Variants in P4HA1 observed in about 807,000 individuals in gnomAD.
P4HA1 encodes the protein prolyl 4-hydroxylase subunit alpha 1.
Under a neutral mutation model 72.8 loss-of-function variants are expected in P4HA1, and 24 were observed. The ratio of observed to expected loss-of-function variants is 0.33; its 90% CI spans 0.24 to 0.46. P4HA1 has a LOEUF of 0.46. P4HA1 is among the 20% of genes least tolerant of loss of function. P4HA1 has a pLI of 1.00. For synonymous variants in P4HA1, 201 were observed against 218.8 expected (o/e 0.92, Z 0.72); for missense variants, 446 against 640.6 (o/e 0.70, Z 3.28).
intron 8 of P4HA1, 81 bp downstream of exon 8, chr10:73,046,844 T>A: frequency 9.7e-7 from 1 of 1,029,944 alleles, no homozygotes. Flanking sequence ...TATTCGTATA[T>A]CAATTATCCT....
intron 1 of P4HA1, among the ~76,000 whole-genome samples, chr10:73,087,697 C>T (rs1841951604): frequency 6.6e-6 from 1 of 151,708 alleles, no homozygotes; most frequent in Non-Finnish European, 1.5e-5. Flanking sequence ...GCTATGTTGC[C>T]CAAGCTGGTC....
intron 9 of P4HA1, among the ~76,000 whole-genome samples, chr10:73,037,444 A>G (rs1840602629): frequency 6.8e-6 from 1 of 146,842 alleles, no homozygotes; most frequent in Non-Finnish European, 1.5e-5. Flanking sequence ...AATGTCAGTA[A>G]TGTAATTTGA....
chr10:73,034,770 G>A (rs1221235490), intron 9 of P4HA1, among the ~76,000 whole-genome samples: 3 of 151,634 alleles, frequency 2.0e-5, no homozygotes, highest in Non-Finnish European at 2.9e-5. Context: ...TAGTAGAGAC[G>A]GGGTTTCATC....
intron 9 of P4HA1, among the ~76,000 whole-genome samples, chr10:73,041,409 C>T (rs756044991): frequency 1.3e-5 from 2 of 152,030 alleles, no homozygotes; most frequent in South Asian, 2.1e-4. Context: ...CGGGCAGCAG[C>T]GGGCGCCTGT....
At chr10:73,081,573 T>A (rs984627066) in intron 1 of P4HA1, among the ~76,000 whole-genome samples, 9 of 152,162 alleles carry the variant, frequency 5.9e-5, no homozygotes, top group Non-Finnish European at 8.8e-5. Context: ...CCTACAGTTC[T>A]TATTCCAGGG....
In P4HA1 at chr10:73,059,256, G is replaced by A. The variant is rs1841240748; in HGVS notation, c.464-5666C>T. ...TCTATTAATGTACCTTATTAGTCTA[G>A]TTTGGACTGTCAAAGAATTTAAAAG... is the stretch of plus-strand genomic sequence containing the variant. On this transcript the variant is annotated intron_variant, in intron 5 of 14. Coordinates refer to ENST00000394890, the MANE Select transcript of P4HA1 (RefSeq NM_001017962.3). Among the ~76,000 whole-genome samples the A allele has an allele frequency of 2.0e-5, 3 of 151,514 alleles. 1 individual carries two copies. In the South Asian group the frequency reaches 6.3e-4, roughly 32 times the overall value.
chr10:73,084,352 G>C (rs950015685), intron 1 of P4HA1, among the ~76,000 whole-genome samples: 3 of 152,192 alleles, frequency 2.0e-5, no homozygotes, highest in Admixed American at 6.5e-5. Flanking sequence ...GAGTGCAGTG[G>C]AGCAATCACA....
At chr10:73,014,723 ATGACT>A (rs979692902) in intron 11 of P4HA1, among the ~76,000 whole-genome samples, 2 of 152,188 alleles carry the variant, frequency 1.3e-5, no homozygotes, top group African/African-American at 4.8e-5. Context: ...TCTAAAAAAT[ATGACT>A]TGACAGCCAT....
chr10:73,032,667 A>C (rs1386985487), intron 9 of P4HA1, among the ~76,000 whole-genome samples: 1 of 152,216 alleles, frequency 6.6e-6, no homozygotes, highest in East Asian at 1.9e-4. Flanking sequence ...TGCAAAATTA[A>C]GACTCTGGAT....
intron 9 of P4HA1, chr10:73,043,860 C>G (rs769082077): frequency 6.6e-7 from 1 of 1,523,572 alleles, no homozygotes; most frequent in South Asian, 1.1e-5. Flanking sequence ...CCAAATATGA[C>G]TAAAGTTCTC....
At chr10:73,077,188 ATT>A (rs1196429636) in intron 1 of P4HA1, among the ~76,000 whole-genome samples, 1 of 152,220 alleles carries the variant, frequency 6.6e-6, no homozygotes, top group African/African-American at 2.4e-5. Context: ...AGAGTCTAGA[ATT>A]TTCTGTTTAA....
intron 1 of P4HA1, among the ~76,000 whole-genome samples, chr10:73,088,772 T>C (rs973111073): frequency 6.6e-6 from 1 of 152,250 alleles, no homozygotes; most frequent in Non-Finnish European, 1.5e-5. Context: ...TATCCTCTGT[T>C]GAACTGCCCT....
chr10:73,016,989 A>C, intron 10 of P4HA1, 90 bp from the exon 11 acceptor site: 1 of 871,598 alleles, frequency 1.1e-6, no homozygotes, highest in Non-Finnish European at 1.8e-6. Context: ...GGACTTTTAT[A>C]GATCATGGTC....
Position 73,053,363 on chromosome 10 carries a change from G to C in P4HA1, c.691C>G (p.Leu231Val). 3 of 1,614,008 alleles carry C rather than the reference G, an allele frequency of 1.9e-6. No individual in the cohort carries two copies. Among genetic ancestry groups the C allele is most frequent in the Non-Finnish European group, 2.5e-6 (3 of 1,179,906 alleles). The change falls in exon 6 of 15, where the codon CTT (leucine) becomes GTT (valine). Residue 231 changes from leucine (L) to valine (V), a missense_variant. Physicochemically the swap from Leu to Val is conservative, Grantham distance 32. Transcript: ENST00000394890. ...LDKALLLTKK[L>V]LELDPEHQRA... The stretch of plus-strand genomic sequence containing the variant: ...CCAGATAACATACCTAGTTCAAGAA[G>C]CTTCTTTGTGAGCAAAAGTGCCTTA...
chr10:73,041,734 C>T lies in P4HA1; in HGVS notation c.1148+3247G>A, dbSNP rs112747875. Among the ~76,000 whole-genome samples the T allele has an allele frequency of 1.8e-4, 28 of 152,214 alleles. 1 individual carries two copies. Among genetic ancestry groups the T allele is most frequent in the African/African-American group, 6.0e-4 (25 of 41,542 alleles). ...AGTTTATTACCATTAGATCATATCC[C>T]CTTTGTTCATCATACTTCTGTATGA... On this transcript the variant is annotated intron_variant, in intron 9 of 14. Coordinates refer to ENST00000394890, the MANE Select transcript of P4HA1 (RefSeq NM_001017962.3).
intron 6 of P4HA1, among the ~76,000 whole-genome samples, chr10:73,051,522 G>A (rs1201129517): frequency 1.3e-5 from 2 of 152,134 alleles, no homozygotes; most frequent in Non-Finnish European, 2.9e-5. Context: ...CATTTTGGGA[G>A]ACTGAGGTGG....
chr10:73,053,916 CTT>C (rs112306423), intron 5 of P4HA1, among the ~76,000 whole-genome samples: 1 of 145,770 alleles, frequency 6.9e-6, no homozygotes, highest in South Asian at 2.2e-4. Flanking sequence ...AGATACATCT[CTT>C]TTTTTTTTTT....
intron 3 of P4HA1, 110 bp downstream of exon 3, chr10:73,073,621 G>A: frequency 1.5e-6 from 1 of 667,958 alleles, no homozygotes; most frequent in East Asian, 2.7e-5. Flanking sequence ...ATTGCAACTG[G>A]CTTTGTAAGA....
At chr10:73,024,308 C>T (rs1840210848) in intron 10 of P4HA1, among the ~76,000 whole-genome samples, 1 of 152,212 alleles carries the variant, frequency 6.6e-6, no homozygotes, top group Non-Finnish European at 1.5e-5. Context: ...GACCACAGTG[C>T]AATCAAATTA....
Sources: gnomAD v4.1 joint callset for allele counts (sites outside exome capture counted in the v4.1 genomes callset) on GRCh38, gnomAD v4.1.1 for gene constraint, MANE v1.5 for transcripts, NCBI Gene and HGNC (gene_info 2026-07-23, HGNC 2026-07-21) for gene names.